Variants in GANC observed in about 807,000 individuals in gnomAD.
GANC encodes neutral alpha-glucosidase C.
GANC carries 117 observed loss-of-function variants against 124.2 expected under a neutral mutation model. That is an observed-to-expected ratio of 0.94 (90% CI 0.81 to 1.10). The LOEUF is 1.10. Among genes scored for constraint, GANC ranks in the 50% least tolerant of loss-of-function variants. GANC has a pLI of 0.00. For synonymous variants in GANC, 377 were observed against 376.8 expected (o/e 1.00, Z -0.01); for missense variants, 1,140 against 1,095.0 (o/e 1.04, Z -0.58).
chr15:42,351,158 C>T lies in GANC; in HGVS notation c.2532-171C>T, dbSNP rs575671248. Among the ~76,000 whole-genome samples, 6 of 152,268 alleles carry T rather than the reference C, an allele frequency of 3.9e-5. No individual in the cohort carries two copies. The East Asian group carries it at 1.2e-3, about 29-fold the overall frequency. On this transcript the variant is annotated intron_variant, in intron 22 of 23. Transcript: ENST00000318010. ...AAGTGCTGGGATTACAGGCGTGAGC[C>T]ACCGTGCCTGGGTCTTTTATTATCT...
rs1396483239 is a variant in GANC, at chr15:42,300,152, G to C, written c.558+2496G>C. Among the ~76,000 whole-genome samples the C allele has an allele frequency of 2.6e-5, 4 of 152,140 alleles. No individual in the cohort carries two copies. In the East Asian group the frequency reaches 7.7e-4, roughly 29 times the overall value. The stretch of plus-strand genomic sequence containing the variant: ...ACTAAAGAGCTTCTGCACAGCAACA[G>C]AAACGATCATCAGAGTAAACAGGCA... On this transcript the variant is annotated intron_variant, in intron 6 of 23. Transcript: ENST00000318010.
chr15:42,298,120 C>CTACACAAGTCAAAAAGTTGTATA (rs1157046969), intron 6 of GANC, among the ~76,000 whole-genome samples: 4 of 152,034 alleles, frequency 2.6e-5, no homozygotes, highest in African/African-American at 9.7e-5. Context: ...AAACTGATGT[C>CTACACAAGTCAAAAAGTTGTATA]TACACAAGTC....
At chr15:42,339,064 C>G (rs1342081160) in intron 16 of GANC, among the ~76,000 whole-genome samples, 2 of 152,050 alleles carry the variant, frequency 1.3e-5, no homozygotes, top group Non-Finnish European at 2.9e-5. Flanking sequence ...TCCAGCTGCT[C>G]TTTGTTTCCT....
chr15:42,291,809 T>C lies in GANC; in HGVS notation c.330-926T>C, dbSNP rs1410791488. On this transcript the variant is annotated intron_variant, in intron 4 of 23. Coordinates refer to ENST00000318010, the MANE Select transcript of GANC (RefSeq NM_198141.3). ...TGGTGGGGTGCATTAGACTGACATATATGAACTACAGTCCTACTTAATGGA... is the reference window on the plus strand; with the variant it reads ...TGGTGGGGTGCATTAGACTGACATACATGAACTACAGTCCTACTTAATGGA... 3.3e-5 allele frequency among the ~76,000 whole-genome samples: 5 copies of C among 152,256 alleles called. No homozygotes were observed. The South Asian group carries it at 8.3e-4, about 25-fold the overall frequency.
At chr15:42,294,574 C>CA (rs34588821) in intron 5 of GANC, among the ~76,000 whole-genome samples, 82,465 of 119,132 alleles carry the variant, frequency 0.69, 29,779 homozygotes, top group East Asian at 0.82. Context: ...GACTCTGTCT[C>CA]AAAAAAAAAA....
intron 11 of GANC, 143 bp from the exon 12 acceptor site, chr15:42,326,154 GT>G (rs2052196610): frequency 1.6e-6 from 1 of 630,598 alleles, no homozygotes; most frequent in Admixed American, 2.7e-5. Flanking sequence ...TTTTGTTTTT[GT>G]TTTTGTTTTT....
chr15:42,333,040 T>TATATATA (rs1408862547), intron 15 of GANC, among the ~76,000 whole-genome samples: 112 of 79,348 alleles, frequency 1.4e-3, no homozygotes, highest in African/African-American at 3.6e-3. Context: ...ATATATATAT[T>TATATATA]TTTTTTGGTC....
chr15:42,280,865 A>G, intron 3 of GANC: 1 of 690,216 alleles, frequency 1.4e-6, no homozygotes, highest in Non-Finnish European at 2.6e-6. Context: ...ACGTTACTGT[A>G]GATCAGTTTC....
At position 42,349,301 on chromosome 15, in the gene GANC, G is replaced by A; in HGVS notation, c.2419-82G>A. 1.4e-5 allele frequency: 12 copies of A among 878,712 alleles called. 1 individual carries two copies. The highest frequency in any genetic ancestry group is 2.2e-4 in the Middle Eastern group (1 of 4,540). The allele number at this position is 878,712 out of a possible 1,614,324, so 54.4% of individuals were successfully genotyped here. On this transcript the variant is annotated intron_variant, in intron 21 of 23. Transcript: ENST00000318010. ...GAATTTTTCACAAACTTTTTACTCT[G>A]TTGTTACCCTTTAGGAGCTGACATT...
At chr15:42,344,178 T>A (rs7166240) in intron 19 of GANC, among the ~76,000 whole-genome samples, 1 of 152,118 alleles carries the variant, frequency 6.6e-6, no homozygotes, top group South Asian at 2.1e-4. Flanking sequence ...ACAAATTACC[T>A]CAAACCTAGT....
At chr15:42,333,675 A>T (rs1175943468) in intron 15 of GANC, among the ~76,000 whole-genome samples, 1 of 152,200 alleles carries the variant, frequency 6.6e-6, no homozygotes, top group Admixed American at 6.5e-5. Context: ...TATAAAATTG[A>T]GTTTATAATA....
intron 19 of GANC, among the ~76,000 whole-genome samples, chr15:42,345,478 A>G (rs138274105): frequency 2.6e-5 from 4 of 152,120 alleles, no homozygotes; most frequent in Non-Finnish European, 5.9e-5. Context: ...TATATTCAGC[A>G]CCTGGCACAG....
chr15:42,312,088 G>A (rs1465805953), intron 10 of GANC, among the ~76,000 whole-genome samples: 4 of 152,140 alleles, frequency 2.6e-5, no homozygotes, highest in Non-Finnish European at 1.5e-5. Flanking sequence ...TGTTAAGATG[G>A]CAGTAATATA....
At chr15:42,298,669 C>T (rs2051915105) in intron 6 of GANC, among the ~76,000 whole-genome samples, 1 of 152,214 alleles carries the variant, frequency 6.6e-6, no homozygotes, top group Non-Finnish European at 1.5e-5. Context: ...GAGCACTTTT[C>T]ACAATATTGA....
intron 12 of GANC, 80 bp from the exon 13 acceptor site, chr15:42,327,283 C>T (rs776621275): frequency 7.4e-5 from 80 of 1,074,088 alleles, no homozygotes; most frequent in Non-Finnish European, 1.0e-4. Context: ...CCAGCTCTCA[C>T]ATCTGATACC....
intron 11 of GANC, among the ~76,000 whole-genome samples, chr15:42,325,045 C>T (rs1412586074): frequency 6.6e-6 from 1 of 151,942 alleles, no homozygotes; most frequent in Non-Finnish European, 1.5e-5. Context: ...GAGCAGATCA[C>T]CTGAGGTCAG....
intron 7 of GANC, among the ~76,000 whole-genome samples, chr15:42,307,791 A>G (rs1170148032): frequency 6.6e-6 from 1 of 152,228 alleles, no homozygotes; most frequent in Non-Finnish European, 1.5e-5. Flanking sequence ...GGCTGGCAGT[A>G]AGAATGATCA....
chr15:42,349,652 C>G (rs1456303771), intron 22 of GANC, among the ~76,000 whole-genome samples, 157 bp downstream of exon 22: 5 of 150,980 alleles, frequency 3.3e-5, no homozygotes, highest in African/African-American at 1.2e-4. Flanking sequence ...CTTTTCTTTT[C>G]TTTTTTTTTG....
intron 15 of GANC, among the ~76,000 whole-genome samples, chr15:42,334,543 T>A (rs2052269682): frequency 6.6e-6 from 1 of 151,898 alleles, no homozygotes; most frequent in African/African-American, 2.4e-5. Flanking sequence ...AAGAAAAAAA[T>A]GACAAATTAG....
Sources: gnomAD v4.1 joint callset for allele counts (sites outside exome capture counted in the v4.1 genomes callset) on GRCh38, gnomAD v4.1.1 for gene constraint, MANE v1.5 for transcripts, NCBI Gene and HGNC (gene_info 2026-07-23, HGNC 2026-07-21) for gene names.